The following ARHGAP35 variants were observed in gnomAD, a reference collection of about 807,000 sequenced individuals.
ARHGAP35 encodes the protein rho GTPase-activating protein 35.
Under a neutral mutation model 111.1 loss-of-function variants are expected in ARHGAP35, and 15 were observed. That is an observed-to-expected ratio of 0.13 (90% CI 0.09 to 0.21). The LOEUF (loss-of-function observed/expected upper bound fraction) is 0.21, where lower values mean the gene tolerates loss of function less well. Ranked by LOEUF, ARHGAP35 falls within the 10% of genes least tolerant of loss-of-function variation. The pLI is 1.00. For missense variants in ARHGAP35, 1,262 were observed against 1,873.0 expected (o/e 0.67, Z 6.02); for synonymous variants, 643 against 710.3 (o/e 0.91, Z 1.51).
Position 46,861,936 on chromosome 19 carries a change from C to T in ARHGAP35, c.-189+727C>T, listed in dbSNP as rs558525952. On this transcript the variant is annotated intron_variant, in intron 1 of 6. Coordinates refer to ENST00000672722, the MANE Select transcript of ARHGAP35 (RefSeq NM_004491.5). ...CCTACTACCCGCATTTCTTGTCTGC[C>T]CTCTCGCAGAGCCTGCTGCACCCCG... Among the ~76,000 whole-genome samples, 42 of 152,266 alleles carry T rather than the reference C, an allele frequency of 2.8e-4. No homozygotes were observed. The East Asian group carries it at 7.1e-3, about 26-fold the overall frequency.
intron 3 of ARHGAP35, among the ~76,000 whole-genome samples, chr19:46,979,792 A>AT: frequency 6.6e-6 from 1 of 152,218 alleles, no homozygotes; most frequent in Non-Finnish European, 1.5e-5. Context: ...GTGGCCTTCT[A>AT]TCATGGGGGG....
At chr19:46,942,815 C>CAAAAAAA in intron 3 of ARHGAP35, among the ~76,000 whole-genome samples, 1 of 42,278 alleles carries the variant, frequency 2.4e-5, no homozygotes, top group Non-Finnish European at 4.5e-5. Context: ...GACCCTGTCT[C>CAAAAAAA]AGAAAAAAAA....
In ARHGAP35 at chr19:46,999,853, C is replaced by G. The variant is rs534522574; in HGVS notation, c.4142+444C>G. ...TGGGGAGAACCGGGACACTGCACCT[C>G]GAGAGATGTGCTGCAGGAGACAGCC... On this transcript the variant is annotated intron_variant, in intron 6 of 6. Coordinates refer to ENST00000672722, the MANE Select transcript of ARHGAP35 (RefSeq NM_004491.5). This position sits in a 1 kb window ranked among gnomAD's most constrained non-coding sequence, Gnocchi z 5.4. The G allele has an allele frequency of 1.9e-5, 4 of 214,184 alleles. No individual in the cohort carries two copies. The highest frequency in any genetic ancestry group is 3.7e-5 in the Non-Finnish European group (4 of 107,996). The allele number at this position is 214,184 out of a possible 1,614,324, so 13.3% of individuals were successfully genotyped here.
chr19:46,900,768 G>A (rs1345901264), intron 1 of ARHGAP35, among the ~76,000 whole-genome samples: 4 of 149,998 alleles, frequency 2.7e-5, no homozygotes, highest in African/African-American at 2.4e-5. Flanking sequence ...AGAAATTAAA[G>A]AAAAAAAAAA....
At chr19:46,955,355 A>G (rs1234129548) in intron 3 of ARHGAP35, among the ~76,000 whole-genome samples, 20 of 152,222 alleles carry the variant, frequency 1.3e-4, no homozygotes, top group Admixed American at 1.3e-3. Flanking sequence ...AGCTGTTTGA[A>G]TAACAATAAT....
chr19:46,897,875 C>G (rs1568462843), intron 1 of ARHGAP35, among the ~76,000 whole-genome samples: 2 of 152,116 alleles, frequency 1.3e-5, no homozygotes, highest in Admixed American at 6.6e-5. Context: ...TTGCTGAGTG[C>G]TTTGGATGAG....
chr19:46,897,719 AC>A (rs1277675712), intron 1 of ARHGAP35, among the ~76,000 whole-genome samples: 1 of 149,150 alleles, frequency 6.7e-6, no homozygotes, highest in Non-Finnish European at 1.5e-5. Flanking sequence ...AAGAGGCCCT[AC>A]AGAAACTTAG....
In ARHGAP35 at chr19:46,917,956, C is replaced by T. The variant is rs146012297; in HGVS notation, c.-188-532C>T. Among the ~76,000 whole-genome samples, 84 of 152,280 alleles carry T rather than the reference C, an allele frequency of 5.5e-4. No individual in the cohort carries two copies. The East Asian group carries it at 0.01, about 18-fold the overall frequency. On this transcript the variant is annotated intron_variant, in intron 1 of 6. Coordinates refer to ENST00000672722, the MANE Select transcript of ARHGAP35 (RefSeq NM_004491.5). ...CTTGAACTCCTGACCTCAGGTGATC[C>T]GCCCACCATGGCCTCCCAAAGTTCT...
chr19:46,959,161 A>G (rs1432961089), intron 3 of ARHGAP35, among the ~76,000 whole-genome samples: 3 of 152,110 alleles, frequency 2.0e-5, no homozygotes, highest in East Asian at 1.9e-4. Flanking sequence ...GCTCACTGCA[A>G]CCTTGACTTC....
chr19:46,873,840 C>T (rs954806364), intron 1 of ARHGAP35, among the ~76,000 whole-genome samples: 10 of 152,008 alleles, frequency 6.6e-5, no homozygotes, highest in Non-Finnish European at 1.2e-4. Flanking sequence ...CTTCCGCCTC[C>T]GGGGTACACG....
chr19:46,862,914 A>G (rs1333527790), intron 1 of ARHGAP35, among the ~76,000 whole-genome samples: 1 of 151,494 alleles, frequency 6.6e-6, no homozygotes, highest in East Asian at 1.9e-4. Flanking sequence ...TGACATTACG[A>G]TGTCTTCTTA....
At chr19:46,872,424 A>C (rs1314265282) in intron 1 of ARHGAP35, among the ~76,000 whole-genome samples, 1 of 150,750 alleles carries the variant, frequency 6.6e-6, no homozygotes. Flanking sequence ...AGATTAAACA[A>C]GTTTTTTTTT....
chr19:46,907,089 C>A (rs2056112706), intron 1 of ARHGAP35, among the ~76,000 whole-genome samples: 1 of 151,732 alleles, frequency 6.6e-6, no homozygotes, highest in East Asian at 1.9e-4. Context: ...GAGACCCTGT[C>A]TAAAAAAAAG....
At chr19:46,878,314 C>T (rs796116441) in intron 1 of ARHGAP35, among the ~76,000 whole-genome samples, 4 of 151,832 alleles carry the variant, frequency 2.6e-5, no homozygotes, top group African/African-American at 9.7e-5. Context: ...TGAGCCATCG[C>T]GCTTGGCCTA....
intron 3 of ARHGAP35, among the ~76,000 whole-genome samples, chr19:46,976,210 C>CTTT (rs772367746): frequency 1.3e-4 from 15 of 118,694 alleles, no homozygotes; most frequent in East Asian, 2.4e-4. Context: ...AAGCTTTCTC[C>CTTT]TTTTTTTTTT....
chr19:46,913,819 GA>G (rs892092528), intron 1 of ARHGAP35, among the ~76,000 whole-genome samples: 1 of 152,124 alleles, frequency 6.6e-6, no homozygotes, highest in Non-Finnish European at 1.5e-5. Context: ...ATTAGCACTG[GA>G]AAATTATTAG....
intron 1 of ARHGAP35, among the ~76,000 whole-genome samples, chr19:46,891,734 G>T (rs374909672): frequency 6.6e-6 from 1 of 152,106 alleles, no homozygotes; most frequent in Non-Finnish European, 1.5e-5. Context: ...CAGGGCAAAG[G>T]TTCTTAATCC....
chr19:46,948,594 A>G (rs1238105932), intron 3 of ARHGAP35: 2 of 152,182 alleles, frequency 1.3e-5, no homozygotes, highest in Non-Finnish European at 1.5e-5. Flanking sequence ...ATTAAAGGGA[A>G]TAAGTACGCT....
chr19:46,972,580 C>T lies in ARHGAP35; in HGVS notation c.3827-15409C>T, dbSNP rs150674107. The stretch of plus-strand genomic sequence containing the variant: ...GCAGCATGACAGATGTGGCCCTGAG[C>T]GAGTTCCTTCACTCCTGAGTCTCCC... On this transcript the variant is annotated intron_variant, in intron 3 of 6. Transcript: ENST00000672722. Among the ~76,000 whole-genome samples, 27 of 152,244 alleles carry T rather than the reference C, an allele frequency of 1.8e-4. No individual in the cohort carries two copies. In the East Asian group the frequency reaches 4.8e-3, roughly 27 times the overall value.
Sources: gnomAD v4.1 joint callset for allele counts (sites outside exome capture counted in the v4.1 genomes callset) on GRCh38, gnomAD v4.1.1 for gene constraint, Gnocchi (gnomAD v3.1) non-coding constraint, MANE v1.5 for transcripts, NCBI Gene and HGNC (gene_info 2026-07-23, HGNC 2026-07-21) for gene names.